HTN3: variants seen among roughly 807,000 people sequenced by gnomAD.
HTN3 encodes the protein histatin-3.
Under a neutral mutation model 10.6 loss-of-function variants are expected in HTN3, and 15 were observed. The observed-to-expected ratio is 1.42, with a 90% CI of 0.95 to 2.18. The LOEUF (loss-of-function observed/expected upper bound fraction) is 2.18, where lower values mean the gene tolerates loss of function less well. Among genes scored for constraint, HTN3 ranks in the 30% most tolerant of loss-of-function variants. The pLI, the probability that HTN3 is intolerant of heterozygous loss-of-function variation, is 0.00. For missense variants in HTN3, 68 were observed against 58.0 expected (o/e 1.17, Z -0.56); for synonymous variants, 15 against 16.9 (o/e 0.89, Z 0.27).
At chr4:70,032,491 A>G (rs1420095078) in intron 4 of HTN3, among the ~76,000 whole-genome samples, 1 of 152,026 alleles carries the variant, frequency 6.6e-6, no homozygotes, top group Non-Finnish European at 1.5e-5. Flanking sequence ...CTATCTTATA[A>G]TATTTGAGGA....
chr4:70,030,976 T>C, intron 2 of HTN3, 185 bp downstream of exon 2: 1 of 511,546 alleles, frequency 2.0e-6, no homozygotes, highest in East Asian at 3.7e-5. Flanking sequence ...ATTCATTACA[T>C]ACCTGCGAAC....
At chr4:70,034,392 C>A (rs1725459150) in intron 5 of HTN3, 1 of 152,090 alleles carries the variant, frequency 6.6e-6, no homozygotes, top group African/African-American at 2.4e-5. Context: ...TAAAAGTGGA[C>A]AAAGGATATG....
At chr4:70,030,842 G>T in intron 2 of HTN3, 51 bp downstream of exon 2, 1 of 1,364,310 alleles carries the variant, frequency 7.3e-7, no homozygotes, top group Non-Finnish European at 1.0e-6. Flanking sequence ...CTTATCCCAA[G>T]GATCTTTCTT....
chr4:70,033,603 T>C (rs1204268792), intron 5 of HTN3: 1 of 156,348 alleles, frequency 6.4e-6, no homozygotes, highest in East Asian at 1.9e-4. Context: ...AGCTCTTCTG[T>C]AGATAATTAT....
intron 4 of HTN3, among the ~76,000 whole-genome samples, chr4:70,032,712 T>A (rs369216252): frequency 3.5e-4 from 53 of 152,176 alleles, no homozygotes; most frequent in African/African-American, 1.2e-3. Context: ...TGAGGACTGT[T>A]TGTGTTAACA....
chr4:70,030,413 C>T (rs1182891750), intron 1 of HTN3, among the ~76,000 whole-genome samples: 1 of 152,090 alleles, frequency 6.6e-6, no homozygotes, highest in East Asian at 1.9e-4. Context: ...ATTCCTAGAG[C>T]CCAGGAGTTT....
At position 70,033,157 on chromosome 4, in the gene HTN3, G is replaced by C. The variant is rs758768997; in HGVS notation, c.103-10G>C. On this transcript the variant is annotated splice_polypyrimidine_tract_variant and intron_variant, in intron 4 of 5. Coordinates refer to ENST00000673563, the MANE Select transcript of HTN3 (RefSeq NM_000200.3). ...TCTGCAATTTGCTCTCTCCTTTTGT[G>C]TGTATGCAGGAAAAGCATCATTCAC... The C allele has an allele frequency of 1.9e-5, 31 of 1,600,818 alleles. No individual in the cohort carries two copies. The South Asian group carries it at 2.2e-4, about 12-fold the overall frequency.
intron 4 of HTN3, 100 bp downstream of exon 4, chr4:70,032,207 T>C: frequency 1.2e-6 from 1 of 817,760 alleles, no homozygotes; most frequent in Non-Finnish European, 2.0e-6. Flanking sequence ...TATATTTATA[T>C]CATTAATTGC....
intron 1 of HTN3, among the ~76,000 whole-genome samples, chr4:70,029,417 G>A (rs1161421205): frequency 2.0e-5 from 3 of 151,908 alleles, no homozygotes; most frequent in African/African-American, 4.8e-5. Flanking sequence ...AAATAATAAG[G>A]CAAATGGGTT....
chr4:70,035,146 C>T (rs1725484010), intron 5 of HTN3, among the ~76,000 whole-genome samples: 1 of 152,092 alleles, frequency 6.6e-6, no homozygotes, highest in African/African-American at 2.4e-5. Context: ...GCACATGTAT[C>T]CCTGAACTTA....
chr4:70,031,960 C>A lies in HTN3; in HGVS notation c.52-19C>A. ...GAAATTAAGATATTAATTATTTTCT[C>A]ATTTTCTTCTTTTCCAAGGGAGCTG... On this transcript the variant is annotated intron_variant, in intron 2 of 5. Coordinates refer to ENST00000673563, the MANE Select transcript of HTN3 (RefSeq NM_000200.3). 6.7e-7 allele frequency: 1 copy of A among 1,500,694 alleles called. No homozygotes were observed. Among genetic ancestry groups the A allele is most frequent in the Non-Finnish European group, 9.2e-7 (1 of 1,086,418 alleles). 93.0% of individuals were successfully genotyped at this position (1,500,694 alleles called of 1,614,324 possible). A position where few individuals can be genotyped will look rare whatever the true frequency, so the allele number is the denominator to read the frequency against.
intron 4 of HTN3, among the ~76,000 whole-genome samples, chr4:70,032,839 A>G (rs1560427085): frequency 6.6e-6 from 1 of 152,110 alleles, no homozygotes; most frequent in Non-Finnish European, 1.5e-5. Context: ...GTTATACTCA[A>G]TGTTGGGCAA....
At chr4:70,032,041 T>C (rs1245425925) in intron 3 of HTN3, 37 bp from the exon 4 acceptor site, 9 of 1,541,054 alleles carry the variant, frequency 5.8e-6, no homozygotes, top group Non-Finnish European at 8.0e-6. Flanking sequence ...TAATTAATCA[T>C]ATATTGAATT....
intron 2 of HTN3, 128 bp downstream of exon 2, chr4:70,030,919 T>A: frequency 1.4e-6 from 1 of 731,840 alleles, no homozygotes. Flanking sequence ...ATGTAAAGAT[T>A]TTCCTTGAAT....
At position 70,036,477 on chromosome 4, in the gene HTN3, TTC is replaced by T. The variant is rs1248648380; in HGVS notation, c.*246_*247del. On this transcript the variant is annotated 3_prime_UTR_variant, in exon 6 of 6. Coordinates refer to ENST00000673563, the MANE Select transcript of HTN3 (RefSeq NM_000200.3). ...AATGTTAAGCTGTTTTCACTGCTGT[TTC>T]TGAGTAATAGAAATTCATTCCTCTC... 2.0e-5 allele frequency: 3 copies of T among 152,194 alleles called. No individual in the cohort carries two copies. The highest frequency in any genetic ancestry group is 7.2e-5 in the African/African-American group (3 of 41,462). The allele number at this position is 152,194 out of a possible 1,614,324, so 9.4% of individuals were successfully genotyped here.
Position 70,030,240 on chromosome 4 carries a change from T to C in HTN3, c.-13-488T>C, listed in dbSNP as rs75690466. ...TCAAGCTTGCCTTTCTTTGTTATCTTCTTACTCCCATTATCTTGGTCTATT... is the reference window on the plus strand; with the variant it reads ...TCAAGCTTGCCTTTCTTTGTTATCTCCTTACTCCCATTATCTTGGTCTATT... On this transcript the variant is annotated intron_variant, in intron 1 of 5. Transcript: ENST00000673563. Among the ~76,000 whole-genome samples the C allele has an allele frequency of 3.2e-3, 481 of 152,286 alleles. 8 individuals carry two copies. The highest frequency in any genetic ancestry group is 0.025 in the East Asian group (129 of 5,186).
chr4:70,034,591 T>C (rs1725465237), intron 5 of HTN3, among the ~76,000 whole-genome samples: 2 of 152,116 alleles, frequency 1.3e-5, no homozygotes, highest in Admixed American at 1.3e-4. Flanking sequence ...AGGAACACTT[T>C]TTCACTGGTG....
chr4:70,031,565 C>T (rs911206088), intron 2 of HTN3, among the ~76,000 whole-genome samples: 5 of 152,026 alleles, frequency 3.3e-5, no homozygotes, highest in African/African-American at 1.2e-4. Context: ...GAAAAATAAA[C>T]ATATAAGAAG....
intron 1 of HTN3, among the ~76,000 whole-genome samples, chr4:70,029,546 T>A (rs767406528): frequency 2.0e-4 from 28 of 139,554 alleles, no homozygotes; most frequent in Non-Finnish European, 3.5e-4. Flanking sequence ...ATTAGAAAAA[T>A]TTTTTAAAAT....
Sources: gnomAD v4.1 joint callset for allele counts (sites outside exome capture counted in the v4.1 genomes callset) on GRCh38, gnomAD v4.1.1 for gene constraint, MANE v1.5 for transcripts, NCBI Gene and HGNC (gene_info 2026-07-23, HGNC 2026-07-21) for gene names.